The following NLRX1 variants were observed in gnomAD, a reference collection of about 807,000 sequenced individuals.
NLRX1 encodes the protein NOD-like receptor X1.
In NLRX1, 67 loss-of-function variants were observed where a neutral mutation model predicts 74.2. That is an observed-to-expected ratio of 0.90 (90% CI 0.74 to 1.11). The LOEUF (loss-of-function observed/expected upper bound fraction) is 1.11. Among genes scored for constraint, NLRX1 ranks in the 50% least tolerant of loss-of-function variants. NLRX1 has a pLI of 0.00. For missense variants in NLRX1, 1,191 were observed against 1,305.4 expected (o/e 0.91, Z 1.35); for synonymous variants, 506 against 559.1 (o/e 0.91, Z 1.34).
chr11:119,180,347 T>C (rs1948806407), intron 7 of NLRX1, 59 bp downstream of exon 7: 1 of 1,384,204 alleles, frequency 7.2e-7, no homozygotes, highest in African/African-American at 1.4e-5. Flanking sequence ...GGTGAAGAAG[T>C]GGGAAAAGAA....
chr11:119,171,305 G>A, intron 1 of NLRX1, 51 bp from the exon 2 acceptor site: 1 of 1,330,342 alleles, frequency 7.5e-7, no homozygotes, highest in Non-Finnish European at 1.0e-6. Flanking sequence ...GGGGTTAGGG[G>A]TGCAGGGGAG....
Position 119,175,058 on chromosome 11 carries a change from G to C in NLRX1, c.1455G>C (p.Gly485=), listed in dbSNP as rs568475947. ...RFFLAPCVEP[G]RAGTFVFTVP... ...TCCTGGCCCCATGTGTGGAGCCAGG[G>C]CGTGCAGGCACCTTCGTGTTCACCG... Residue 485 remains glycine, a synonymous_variant, in exon 6 of 10, where the codon GGG becomes GGC. Coordinates refer to ENST00000409109, the MANE Select transcript of NLRX1 (RefSeq NM_001282144.2). 4.3e-5 allele frequency: 70 copies of C among 1,614,136 alleles called. 1 individual carries two copies. The South Asian group carries it at 7.1e-4, about 16-fold the overall frequency.
At chr11:119,171,079 G>T (rs1334150592) in intron 1 of NLRX1, among the ~76,000 whole-genome samples, 1 of 152,130 alleles carries the variant, frequency 6.6e-6, no homozygotes, top group African/African-American at 2.4e-5. Flanking sequence ...GGAGGCATAG[G>T]CTTCAATGAG....
In NLRX1 at chr11:119,172,406, C is replaced by T. The variant is rs759515461; in HGVS notation, c.121C>T (p.Arg41Cys). Residue 41 changes from arginine to cysteine, a missense_variant, in exon 3 of 10, where the codon CGT (arginine) becomes TGT (cysteine). Coordinates refer to ENST00000409109, the MANE Select transcript of NLRX1 (RefSeq NM_001282144.2). ...CTGGAGTTGGCCCCTTCAAGGGGAG[C>T]GTCCCTTTGGGCCCCCTAGGTGAGG... ...IHWSWPLQGE[R>C]PFGPPRAFIR... 1.1e-5 allele frequency: 17 copies of T among 1,613,288 alleles called. No homozygotes were observed. The highest frequency in any genetic ancestry group is 1.0e-4 in the Admixed American group (6 of 59,984).
intron 2 of NLRX1, 27 bp downstream of exon 2, chr11:119,171,500 TTTACC>T: frequency 1.3e-6 from 2 of 1,559,424 alleles, no homozygotes; most frequent in Non-Finnish European, 1.8e-6. Flanking sequence ...GGTTTCTGTT[TTTACC>T]TCTTTCTTGC....
At position 119,175,082 on chromosome 11, in the gene NLRX1, C is replaced by T. The variant is rs758743947; in HGVS notation, c.1479C>T (p.Thr493=). ...EPGRAGTFVF[T]VPAMQEYLAA... The stretch of plus-strand genomic sequence containing the variant: ...GGCGTGCAGGCACCTTCGTGTTCAC[C>T]GTGCCCGCCATGCAGGAATACCTGG... The change falls in exon 6 of 10, where the codon ACC becomes ACT. Residue 493 remains threonine, a synonymous_variant. Transcript: ENST00000409109. 35 of 1,614,052 alleles carry T rather than the reference C, an allele frequency of 2.2e-5. No individual in the cohort carries two copies. Among genetic ancestry groups the T allele is most frequent in the African/African-American group, 5.3e-5 (4 of 74,946 alleles).
Position 119,183,095 on chromosome 11 carries a change from A to G in NLRX1, c.2607-23A>G, listed in dbSNP as rs1948882713. 1 of 1,609,196 alleles carries G rather than the reference A, an allele frequency of 6.2e-7. No individual in the cohort carries two copies. Among genetic ancestry groups the G allele is most frequent in the African/African-American group, 1.3e-5 (1 of 74,902 alleles). On this transcript the variant is annotated intron_variant, in intron 9 of 9. Transcript: ENST00000409109. This position sits in a 1 kb window ranked among gnomAD's most constrained non-coding sequence, Gnocchi z 5.7. ...CCTTCTCAGAGCTCTACTGAATGGC[A>G]TCGACTTTCTCTCTCCTGCCAGCCT...
chr11:119,171,794 A>C, intron 2 of NLRX1, among the ~76,000 whole-genome samples: 1 of 150,498 alleles, frequency 6.6e-6, no homozygotes, highest in East Asian at 1.9e-4. Context: ...TATTAAAACT[A>C]CAAAAAAAAA....
At position 119,174,570 on chromosome 11, in the gene NLRX1, C is replaced by T. The variant is rs1948643507; in HGVS notation, c.967C>T (p.Gln323Ter). 6.2e-7 allele frequency: 1 copy of T among 1,614,052 alleles called. No individual in the cohort carries two copies. The highest frequency in any genetic ancestry group is 8.5e-7 in the Non-Finnish European group (1 of 1,180,050). Reference sequence around the variant, plus strand: ...TACCAACCTGCAGAAGCTCTACTTCCAGCTCCGCCTCAACCAGCCGTACTG... The same window carrying T: ...TACCAACCTGCAGAAGCTCTACTTCTAGCTCCGCCTCAACCAGCCGTACTG... ...SDTNLQKLYF[Q>*]LRLNQPYCGY... Residue 323 changes from glutamine (Q) to a stop codon, truncating the protein, a stop_gained, in exon 6 of 10, where the codon CAG (glutamine) becomes TAG (stop). Transcript: ENST00000409109. LOFTEE classifies it high-confidence loss of function.
chr11:119,180,904 G>A (rs1948821463), intron 7 of NLRX1, among the ~76,000 whole-genome samples: 1 of 151,936 alleles, frequency 6.6e-6, no homozygotes, highest in African/African-American at 2.4e-5. Flanking sequence ...AGTCAGGTGT[G>A]GTGGCATGTA....
At chr11:119,170,993 A>C (rs1382426672) in intron 1 of NLRX1, among the ~76,000 whole-genome samples, 1 of 152,204 alleles carries the variant, frequency 6.6e-6, no homozygotes, top group African/African-American at 2.4e-5. Flanking sequence ...AAATACAAAA[A>C]TTAGCCCAGT....
At chr11:119,181,042 CA>C in intron 7 of NLRX1, 128 bp from the exon 8 acceptor site, 5 of 696,420 alleles carry the variant, frequency 7.2e-6, no homozygotes, top group Non-Finnish European at 1.3e-5. Flanking sequence ...CCCTGTCTCT[CA>C]AAAAAGGGGA....
In NLRX1 at chr11:119,183,750, G is replaced by A. The variant is rs1210205007; in HGVS notation, c.*311G>A. 2.6e-6 allele frequency: 2 copies of A among 778,966 alleles called. No individual in the cohort carries two copies. The highest frequency in any genetic ancestry group is 1.7e-5 in the African/African-American group (1 of 59,204). 48.3% of individuals were successfully genotyped at this position (778,966 alleles called of 1,614,324 possible). A position where few individuals can be genotyped will look rare whatever the true frequency, so the allele number is the denominator to read the frequency against. On this transcript the variant is annotated 3_prime_UTR_variant, in exon 10 of 10. Coordinates refer to ENST00000409109, the MANE Select transcript of NLRX1 (RefSeq NM_001282144.2). This position sits in a 1 kb window ranked among gnomAD's most constrained non-coding sequence, Gnocchi z 5.7. ...GCCCTGAAGCACCACTACCAACCTT[G>A]CCTCCCCCTCCTCTCAAAGAGCCTC...
rs566863085 is a variant in NLRX1, at chr11:119,180,017, G to A, written c.1996G>A (p.Gly666Ser). Residue 666 changes from glycine to serine, a missense_variant, in exon 7 of 10, where the codon GGC becomes AGC. Coordinates refer to ENST00000409109, the MANE Select transcript of NLRX1 (RefSeq NM_001282144.2). The part of the protein sequence containing the change: ...QAIKKKLGKL[G>S]RQVLPPSELL... ...CATCAAGAAGAAGCTGGGCAAGCTG[G>A]GCCGGCAGGTGCTGCCCCCATCAGA... 153 of 1,613,658 alleles carry A rather than the reference G, an allele frequency of 9.5e-5. 1 individual carries two copies. In the South Asian group the frequency reaches 1.6e-3, roughly 17 times the overall value.
rs767847604 is a variant in NLRX1 at position 119,181,231 on chromosome 11, T to G, written c.2328T>G (p.His776Gln). 1.9e-6 allele frequency: 3 copies of G among 1,613,484 alleles called. No individual in the cohort carries two copies. Among genetic ancestry groups the G allele is most frequent in the Non-Finnish European group, 2.5e-6 (3 of 1,179,848 alleles). ...ACKDLRDLLL[H>Q]DQCQITTLRL... ...AGGACCTCCGAGACCTGTTGCTGCATGACCAGTGCCAAATTACCACACTGC... is the reference window on the plus strand; with the variant it reads ...AGGACCTCCGAGACCTGTTGCTGCAGGACCAGTGCCAAATTACCACACTGC... Residue 776 changes from histidine (H) to glutamine (Q), a missense_variant, in exon 8 of 10, where the codon CAT becomes CAG. Physicochemically the swap from His to Gln is conservative, Grantham distance 24. Transcript: ENST00000409109.
chr11:119,176,112 A>C (rs1030889550), intron 6 of NLRX1, among the ~76,000 whole-genome samples: 3 of 152,142 alleles, frequency 2.0e-5, no homozygotes, highest in African/African-American at 7.2e-5. Context: ...TGCATTACGG[A>C]TATGTCTGTC....
chr11:119,180,164 G>A lies in NLRX1; in HGVS notation c.2143G>A (p.Val715Met). The change falls in exon 7 of 10, where the codon GTG becomes ATG. Residue 715 changes from valine to methionine, a missense_variant. Transcript: ENST00000409109. ...GVRMTPVKCT[V>M]VAAVLGSGRH... ...GCGCATGACACCAGTCAAGTGCACA[G>A]TGGTGGCAGCTGTGCTGGGCAGCGG... The A allele has an allele frequency of 6.2e-7, 1 of 1,613,458 alleles. No homozygotes were observed. Among genetic ancestry groups the A allele is most frequent in the Non-Finnish European group, 8.5e-7 (1 of 1,179,720 alleles).
Position 119,173,741 on chromosome 11 carries a change from G to A in NLRX1, c.492G>A (p.Leu164=). 1 of 1,613,846 alleles carries A rather than the reference G, an allele frequency of 6.2e-7. No homozygotes were observed. Among genetic ancestry groups the A allele is most frequent in the East Asian group, 2.2e-5 (1 of 44,878 alleles). ...ACGRRVQTVV[L]YGTVGTGKST... is the part of the protein sequence containing the mutation. ...GGCGCCGGGTGCAGACAGTGGTGCTGTATGGGACAGTGGGCACAGGCAAGA... is the reference window on the plus strand; with the variant it reads ...GGCGCCGGGTGCAGACAGTGGTGCTATATGGGACAGTGGGCACAGGCAAGA... Residue 164 remains leucine (L), a synonymous_variant, in exon 5 of 10, where the codon CTG becomes CTA. Coordinates refer to ENST00000409109, the MANE Select transcript of NLRX1 (RefSeq NM_001282144.2). This position sits in a 1 kb window ranked among gnomAD's most constrained non-coding sequence, Gnocchi z 4.0.
chr11:119,181,632 G>T (rs1453539180), intron 8 of NLRX1, among the ~76,000 whole-genome samples: 1 of 152,122 alleles, frequency 6.6e-6, no homozygotes, highest in Non-Finnish European at 1.5e-5. Flanking sequence ...CTTAAGTGTT[G>T]ACTGATATGT....
Sources: gnomAD v4.1 joint callset for allele counts (sites outside exome capture counted in the v4.1 genomes callset) on GRCh38, gnomAD v4.1.1 for gene constraint, Gnocchi (gnomAD v3.1) non-coding constraint, MANE v1.5 for transcripts, NCBI Gene and HGNC (gene_info 2026-07-23, HGNC 2026-07-21) for gene names.